ASIC2: variants seen among roughly 807,000 people sequenced by gnomAD.
ASIC2 encodes the protein acid sensing ion channel subunit 2, also known as acid-sensing ion channel 2.
ASIC2 carries 25 observed loss-of-function variants against 57.3 expected under a neutral mutation model. The observed-to-expected ratio is 0.44, with a 90% CI of 0.32 to 0.61. The LOEUF (loss-of-function observed/expected upper bound fraction) is 0.61, where lower values mean the gene tolerates loss of function less well. Ranked by LOEUF, ASIC2 falls within the 20% of genes least tolerant of loss-of-function variation. ASIC2 has a pLI of 0.06. For synonymous variants in ASIC2, 319 were observed against 307.5 expected, an observed-to-expected ratio of 1.04 and a Z score of -0.39; for missense variants, 641 against 738.1, an observed-to-expected ratio of 0.87 and a Z score of 1.52.
intron 1 of ASIC2, among the ~76,000 whole-genome samples, chr17:33,359,162 G>C (rs1418759615): frequency 6.6e-6 from 1 of 152,184 alleles, no homozygotes; most frequent in Admixed American, 6.5e-5. Context: ...GGTGGAACAG[G>C]TGAGCCAGCC....
intron 1 of ASIC2, among the ~76,000 whole-genome samples, chr17:33,358,259 G>A (rs1304425029): frequency 6.6e-6 from 1 of 152,246 alleles, no homozygotes; most frequent in Non-Finnish European, 1.5e-5. Flanking sequence ...TCCAACGGCA[G>A]AAGAATAGTT....
At chr17:33,663,495 G>A (rs1183116729) in intron 1 of ASIC2, among the ~76,000 whole-genome samples, 1 of 149,036 alleles carries the variant, frequency 6.7e-6, no homozygotes, top group African/African-American at 2.5e-5. Flanking sequence ...GTATATGCGT[G>A]CTAAAGTGTG....
chr17:33,456,066 A>G (rs1426396420), intron 1 of ASIC2, among the ~76,000 whole-genome samples: 1 of 151,950 alleles, frequency 6.6e-6, no homozygotes, highest in East Asian at 1.9e-4. Context: ...TCTCTATCCC[A>G]ACTCCCCCCA....
At chr17:33,470,446 C>T (rs1465144656) in intron 1 of ASIC2, among the ~76,000 whole-genome samples, 3 of 151,780 alleles carry the variant, frequency 2.0e-5, no homozygotes, top group Admixed American at 1.3e-4. Context: ...ACCATTTCCT[C>T]GCTTTAGCAG....
chr17:33,373,002 C>T (rs1436251820), intron 1 of ASIC2, among the ~76,000 whole-genome samples: 5 of 152,138 alleles, frequency 3.3e-5, no homozygotes, highest in South Asian at 2.1e-4. Context: ...ATCAGTGATG[C>T]CCCTGGGGTT....
intron 1 of ASIC2, among the ~76,000 whole-genome samples, chr17:33,768,998 T>TA (rs893260748): frequency 2.6e-5 from 4 of 151,904 alleles, no homozygotes; most frequent in Non-Finnish European, 5.9e-5. Context: ...TAAAGTATAA[T>TA]AAAAAAAATT....
chr17:33,784,474 G>A (rs568405547), intron 1 of ASIC2, among the ~76,000 whole-genome samples: 4 of 152,194 alleles, frequency 2.6e-5, no homozygotes, highest in Middle Eastern at 3.4e-3. Context: ...AGGCAATGCT[G>A]TTCAATAGAA....
chr17:33,299,896 C>T (rs372170348), intron 1 of ASIC2, among the ~76,000 whole-genome samples: 26 of 152,090 alleles, frequency 1.7e-4, no homozygotes, highest in South Asian at 4.2e-4. Flanking sequence ...TCACTTTCAG[C>T]GGAGGAAGTC....
At chr17:33,939,087 A>T (rs1189740987) in intron 1 of ASIC2, among the ~76,000 whole-genome samples, 1 of 152,220 alleles carries the variant, frequency 6.6e-6, no homozygotes, top group African/African-American at 2.4e-5. Context: ...CTGCCAGCCC[A>T]TTGTTGGGGC....
intron 1 of ASIC2, among the ~76,000 whole-genome samples, chr17:33,809,003 G>A (rs1051091744): frequency 2.0e-5 from 3 of 152,206 alleles, no homozygotes; most frequent in African/African-American, 7.2e-5. Context: ...TGGCACCTCA[G>A]TCATCCTCTT....
rs938006276 is a variant in ASIC2, at chr17:33,023,997, C to T, written c.1213G>A (p.Asp405Asn). Reference sequence around the variant, plus strand: ...GTCCTGCAGAGACAGTAATTGCTGTCCTTTTCCGCCAACAGACCTGGAGGG... The same window carrying T: ...GTCCTGCAGAGACAGTAATTGCTGTTCTTTTCCGCCAACAGACCTGGAGGG... ...EPALGLLAEK[D>N]SNYCLCRTPC... is the part of the protein sequence containing the mutation. Residue 405 changes from aspartate (D) to asparagine (N), a missense_variant, in exon 6 of 10, where the codon GAC (aspartate) becomes AAC (asparagine). By Grantham distance (23) the Asp-to-Asn change is conservative. This residue lies in a region of ASIC2 where 252 missense variants were observed against 319.8 expected (regional missense o/e 0.79). Transcript: ENST00000225823. The T allele has an allele frequency of 2.4e-5, 38 of 1,614,102 alleles. No individual in the cohort carries two copies. Among genetic ancestry groups the T allele is most frequent in the Non-Finnish European group, 2.9e-5 (34 of 1,180,006 alleles).
chr17:33,581,912 C>T (rs998760111), intron 1 of ASIC2, among the ~76,000 whole-genome samples: 1 of 152,164 alleles, frequency 6.6e-6, no homozygotes, highest in Non-Finnish European at 1.5e-5. Context: ...GCCTTAGCTT[C>T]CCTGACCGTA....
chr17:33,787,673 T>G (rs1911647544), intron 1 of ASIC2, among the ~76,000 whole-genome samples: 1 of 152,184 alleles, frequency 6.6e-6, no homozygotes, highest in Non-Finnish European at 1.5e-5. Flanking sequence ...CAAGGTTCAC[T>G]GTTGTATCAG....
intron 1 of ASIC2, among the ~76,000 whole-genome samples, chr17:33,189,776 A>G (rs1230316092): frequency 2.6e-5 from 4 of 152,338 alleles, no homozygotes; most frequent in Admixed American, 2.6e-4. Context: ...TATACCCTTA[A>G]CAACAGAGCT....
chr17:33,267,398 A>T (rs572033771), intron 1 of ASIC2, among the ~76,000 whole-genome samples: 1 of 152,336 alleles, frequency 6.6e-6, no homozygotes, highest in South Asian at 2.1e-4. Context: ...CTAAGGTATG[A>T]TGATACAGCT....
intron 1 of ASIC2, among the ~76,000 whole-genome samples, chr17:33,233,549 C>T (rs1908187318): frequency 9.9e-6 from 1 of 101,488 alleles, no homozygotes; most frequent in African/African-American, 3.4e-5. Flanking sequence ...CACACACACA[C>T]ACACACACAT....
At chr17:33,961,566 G>A in intron 1 of ASIC2, among the ~76,000 whole-genome samples, 1 of 152,180 alleles carries the variant, frequency 6.6e-6, no homozygotes, top group East Asian at 1.9e-4. Context: ...CACAGGGGCA[G>A]CCAAAGAGGT....
At position 33,392,196 on chromosome 17, in the gene ASIC2, C is replaced by A. The variant is rs12945612; in HGVS notation, c.556-280129G>T. Reference sequence around the variant, plus strand: ...CTTCCTTCCTTCCTTCCTTCCTTCCCTCCTTCCTTCCTTCCTTCCTTCCTT... The same window carrying A: ...CTTCCTTCCTTCCTTCCTTCCTTCCATCCTTCCTTCCTTCCTTCCTTCCTT... On this transcript the variant is annotated intron_variant, in intron 1 of 9. Coordinates refer to the ASIC2 transcript ENST00000359872. Among the ~76,000 whole-genome samples, 3 of 37,832 alleles carry A rather than the reference C, an allele frequency of 7.9e-5. No individual in the cohort carries two copies. In the South Asian group the frequency reaches 4.0e-3, roughly 51 times the overall value. 24.8% of individuals were successfully genotyped at this position (37,832 alleles called of 152,430 possible).
At chr17:33,116,539 T>A (rs924687296) in intron 1 of ASIC2, among the ~76,000 whole-genome samples, 4 of 152,172 alleles carry the variant, frequency 2.6e-5, no homozygotes. Flanking sequence ...ATTTGCCGGG[T>A]TGCTGAGAGT....
Sources: allele counts gnomAD v4.1 joint callset (sites outside exome capture counted in the v4.1 genomes callset), GRCh38; gene constraint gnomAD v4.1.1; regional missense constraint gnomAD v4.1.1; transcripts MANE v1.5; gene names NCBI Gene and HGNC (gene_info 2026-07-23, HGNC 2026-07-21).